SLC22A4: variants seen among roughly 807,000 people sequenced by gnomAD.
SLC22A4 encodes solute carrier family 22 member 4, also known as ET transporter.
In SLC22A4, 39 loss-of-function variants were observed where a neutral mutation model predicts 56.6. The observed-to-expected ratio is 0.69, with a 90% confidence interval of 0.53 to 0.90. The LOEUF is 0.90. Among genes scored for constraint, SLC22A4 ranks in the 40% least tolerant of loss-of-function variants. The pLI, the probability that SLC22A4 is intolerant of heterozygous loss-of-function variation, is 0.00. For synonymous variants in SLC22A4, 241 were observed against 281.4 expected (o/e 0.86, Z 1.44); for missense variants, 594 against 696.5 (o/e 0.85, Z 1.66).
intron 3 of SLC22A4, among the ~76,000 whole-genome samples, chr5:132,321,471 T>C (rs1341008255): frequency 1.3e-5 from 2 of 152,218 alleles, no homozygotes; most frequent in African/African-American, 4.8e-5. Context: ...TGACCCCACA[T>C]GGCCCCTCAG....
chr5:132,335,570 G>A (rs1750996530), intron 7 of SLC22A4, among the ~76,000 whole-genome samples: 1 of 152,136 alleles, frequency 6.6e-6, no homozygotes, highest in Non-Finnish European at 1.5e-5. Context: ...AAGACAAGTG[G>A]ACAAAGGTCA....
chr5:132,343,882 C>A lies in SLC22A4; in HGVS notation c.*47C>A. On this transcript the variant is annotated 3_prime_UTR_variant, in exon 10 of 10. Transcript: ENST00000200652. ...TGAAGTGAAAAACAGAAAAATAAGACCCTGTGGAGAAATTCGTTGTTCCCA... is the reference window on the plus strand; with the variant it reads ...TGAAGTGAAAAACAGAAAAATAAGAACCTGTGGAGAAATTCGTTGTTCCCA... The A allele has an allele frequency of 2.4e-6, 3 of 1,226,686 alleles. No homozygotes were observed. The highest frequency in any genetic ancestry group is 1.3e-5 in the South Asian group (1 of 79,038). 76.0% of individuals were successfully genotyped at this position (1,226,686 alleles called of 1,614,324 possible). A position where few individuals can be genotyped will look rare whatever the true frequency, so the allele number is the denominator to read the frequency against.
At chr5:132,322,485 G>A (rs1750575209) in intron 4 of SLC22A4, 130 bp downstream of exon 4, 1 of 878,140 alleles carries the variant, frequency 1.1e-6, no homozygotes, top group Non-Finnish European at 1.8e-6. Flanking sequence ...CAGCTTCCAA[G>A]CCGGGAGAGT....
chr5:132,334,734 G>A lies in SLC22A4; in HGVS notation c.1063G>A (p.Gly355Ser). Residue 355 changes from glycine to serine, a missense_variant, in exon 7 of 10, where the codon GGT (glycine) becomes AGT (serine). Transcript: ENST00000200652. The part of the protein sequence containing the change: ...SLLLWMLTSV[G>S]YFALSLDAPN... ...TTCTTTCAGGATGCTGACCTCAGTG[G>A]GTTACTTTGCTCTGTCTCTGGATGC... 1 of 1,613,170 alleles carries A rather than the reference G, an allele frequency of 6.2e-7. No individual in the cohort carries two copies.
intron 3 of SLC22A4, among the ~76,000 whole-genome samples, chr5:132,321,729 G>A (rs533039783): frequency 1.3e-5 from 2 of 152,192 alleles, no homozygotes; most frequent in South Asian, 2.1e-4. Context: ...CCAACATGGC[G>A]AAACTCTGTC....
At chr5:132,300,776 C>T (rs893830854) in intron 1 of SLC22A4, among the ~76,000 whole-genome samples, 15 of 152,314 alleles carry the variant, frequency 9.8e-5, no homozygotes, top group East Asian at 9.6e-4. Flanking sequence ...GAGTGCCAGT[C>T]ACAGCTCGTT....
chr5:132,329,262 G>T (rs1308039364), intron 5 of SLC22A4, among the ~76,000 whole-genome samples: 2 of 151,926 alleles, frequency 1.3e-5, no homozygotes, highest in African/African-American at 4.8e-5. Context: ...CTTTCTTCCT[G>T]CCATGATGCA....
In SLC22A4 at chr5:132,294,690, T is replaced by C; in HGVS notation, c.74T>C (p.Leu25Pro). 2 of 1,614,168 alleles carry C rather than the reference T, an allele frequency of 1.2e-6. No individual in the cohort carries two copies. Among genetic ancestry groups the C allele is most frequent in the Non-Finnish European group, 1.7e-6 (2 of 1,180,040 alleles). Residue 25 changes from leucine (L) to proline (P), a missense_variant, in exon 1 of 10, where the codon CTC becomes CCC. Leu to Pro is a moderately conservative substitution (Grantham distance 98). Coordinates refer to ENST00000200652, the MANE Select transcript of SLC22A4 (RefSeq NM_003059.3). This position sits in a 1 kb window ranked among gnomAD's most constrained non-coding sequence, Gnocchi z 5.6. ...GPFQRLIFFL[L>P]SASIIPNGFN... The stretch of plus-strand genomic sequence containing the variant: ...TTCCAGCGCCTCATCTTCTTCCTGC[T>C]CAGCGCCAGCATCATCCCCAATGGC...
At chr5:132,308,662 C>T (rs1269695110) in intron 1 of SLC22A4, among the ~76,000 whole-genome samples, 1 of 152,014 alleles carries the variant, frequency 6.6e-6, no homozygotes, top group Non-Finnish European at 1.5e-5. Context: ...TACCTTGTCA[C>T]CTGGATTTTT....
At chr5:132,308,976 C>A (rs1478335469) in intron 1 of SLC22A4, among the ~76,000 whole-genome samples, 1 of 152,218 alleles carries the variant, frequency 6.6e-6, no homozygotes, top group Non-Finnish European at 1.5e-5. Context: ...CAGGGACCCA[C>A]AGGGACAGGT....
chr5:132,297,226 G>A (rs1265542103), intron 1 of SLC22A4, among the ~76,000 whole-genome samples: 1 of 152,190 alleles, frequency 6.6e-6, no homozygotes, highest in Non-Finnish European at 1.5e-5. Flanking sequence ...GCTAAGGCAG[G>A]AGAATCACTT....
At chr5:132,337,325 T>C (rs1751055696) in intron 8 of SLC22A4, among the ~76,000 whole-genome samples, 1 of 147,754 alleles carries the variant, frequency 6.8e-6, no homozygotes, top group Non-Finnish European at 1.5e-5. Context: ...AGTGTAGTGG[T>C]GCGATCCTAG....
chr5:132,323,789 A>C (rs2126724466), intron 4 of SLC22A4, among the ~76,000 whole-genome samples: 1 of 152,360 alleles, frequency 6.6e-6, no homozygotes, highest in Middle Eastern at 3.4e-3. Flanking sequence ...CTCAAGACAC[A>C]TGACAAGATT....
chr5:132,340,711 C>G lies in SLC22A4; in HGVS notation c.1580+11C>G. ...GCAGAAAGTGAAATGGTAAGTAGGA[C>G]TTTTAACAAAATGATACCAAAATGC... On this transcript the variant is annotated intron_variant, in intron 9 of 9. Transcript: ENST00000200652. 1 of 1,612,898 alleles carries G rather than the reference C, an allele frequency of 6.2e-7. No homozygotes were observed. The highest frequency in any genetic ancestry group is 8.5e-7 in the Non-Finnish European group (1 of 1,178,938).
chr5:132,318,788 G>A (rs1750437862), intron 3 of SLC22A4, among the ~76,000 whole-genome samples: 1 of 152,102 alleles, frequency 6.6e-6, no homozygotes, highest in Non-Finnish European at 1.5e-5. Flanking sequence ...AAACTCAGAA[G>A]CCCAGCCAGA....
chr5:132,334,153 T>A (rs561201073), intron 6 of SLC22A4, among the ~76,000 whole-genome samples: 1 of 152,320 alleles, frequency 6.6e-6, no homozygotes, highest in African/African-American at 2.4e-5. Context: ...TGACAGAATA[T>A]ACAGACTGCA....
chr5:132,341,308 C>T (rs1580851947), intron 9 of SLC22A4, among the ~76,000 whole-genome samples: 1 of 151,288 alleles, frequency 6.6e-6, no homozygotes, highest in East Asian at 2.0e-4. Context: ...GTCCCAGCTA[C>T]TCAGGAGGCT....
chr5:132,324,516 G>A (rs1399168998), intron 4 of SLC22A4: 4 of 470,968 alleles, frequency 8.5e-6, no homozygotes, highest in Non-Finnish European at 1.8e-5. Flanking sequence ...GACAGGACTT[G>A]CCCCAGACAG....
chr5:132,328,823 TTATA>T (rs70974032), intron 5 of SLC22A4, among the ~76,000 whole-genome samples: 14,927 of 145,358 alleles, frequency 0.1, 1,026 homozygotes, highest in East Asian at 0.23. Context: ...GGCAGTGCCT[TTATA>T]TATATATATA....
Sources: gnomAD v4.1 joint callset for allele counts (sites outside exome capture counted in the v4.1 genomes callset) on GRCh38, gnomAD v4.1.1 for gene constraint, Gnocchi (gnomAD v3.1) non-coding constraint, MANE v1.5 for transcripts, NCBI Gene and HGNC (gene_info 2026-07-23, HGNC 2026-07-21) for gene names.